TNRC18: variants seen among roughly 807,000 people sequenced by gnomAD.
The protein encoded by TNRC18 is trinucleotide repeat-containing gene 18 protein.
A neutral mutation model predicts 226.7 loss-of-function variants in TNRC18; 69 were observed. That is an observed-to-expected ratio of 0.30 (90% CI 0.25 to 0.37). TNRC18 has a LOEUF of 0.37. TNRC18 is among the 10% of genes least tolerant of loss of function. The probability of loss-of-function intolerance (pLI) is 1.00; values close to 1 mark genes in which losing one functional copy is unlikely to be tolerated. For missense variants in TNRC18, 4,754 were observed against 4,256.6 expected, an observed-to-expected ratio of 1.12 and a Z score of -3.25; for synonymous variants, 2,449 against 1,927.6, an observed-to-expected ratio of 1.27 and a Z score of -7.09.
intron 9 of TNRC18, 115 bp from the exon 10 acceptor site, chr7:5,374,599 C>T (rs1026110250): frequency 5.1e-5 from 58 of 1,129,964 alleles, no homozygotes; most frequent in Non-Finnish European, 6.5e-5. Flanking sequence ...TCATGCAGGG[C>T]CTGGGGTCCA....
rs1189968739 is a variant in TNRC18, at chr7:5,399,661, G to A, written c.188-5066C>T. ...GCAGAGGCTGCAGTGAGCCAAGATC[G>A]CGCCACTGCACTCCAGCCTGGGCAA... On this transcript the variant is annotated intron_variant, in intron 2 of 29. Coordinates refer to ENST00000430969, the MANE Select transcript of TNRC18 (RefSeq NM_001080495.3). Among the ~76,000 whole-genome samples, 26 of 151,780 alleles carry A rather than the reference G, an allele frequency of 1.7e-4. 1 individual carries two copies. Among genetic ancestry groups the A allele is most frequent in the Non-Finnish European group, 8.8e-5 (6 of 67,966 alleles).
chr7:5,325,633 C>T (rs973830632), intron 19 of TNRC18: 2 of 201,650 alleles, frequency 9.9e-6, no homozygotes, highest in African/African-American at 2.4e-5. Flanking sequence ...ACCGTGTTTG[C>T]GAGGATGGTC....
Position 5,309,486 on chromosome 7 carries a change from A to C in TNRC18, c.8389-118T>G. On this transcript the variant is annotated intron_variant, in intron 27 of 29. Coordinates refer to ENST00000430969, the MANE Select transcript of TNRC18 (RefSeq NM_001080495.3). The surrounding 1 kb of genome is among the most constrained non-coding windows in gnomAD (Gnocchi z 5.7). ...CGGCCTCTAAATCAACCCCTATCCAACTGTGGGGAGATGAGGAAGCTCCTT... is the reference window on the plus strand; with the variant it reads ...CGGCCTCTAAATCAACCCCTATCCACCTGTGGGGAGATGAGGAAGCTCCTT... The C allele has an allele frequency of 6.2e-6, 5 of 807,658 alleles. No individual in the cohort carries two copies. Among genetic ancestry groups the C allele is most frequent in the Non-Finnish European group, 9.7e-6 (5 of 516,396 alleles). The allele number at this position is 807,658 out of a possible 1,614,324, so 50.0% of individuals were successfully genotyped here. A position where few individuals can be genotyped will look rare whatever the true frequency, so the allele number is the denominator to read the frequency against.
rs1405143618 is a variant in TNRC18, at chr7:5,377,012, G to C, written c.2462-19C>G. ...CCCAAGCCTAGGAGGAGAAGCCCAG[G>C]CCTGAGTCAGTGCTGGGAGCCCCCA... is the stretch of plus-strand genomic sequence containing the variant. On this transcript the variant is annotated intron_variant, in intron 7 of 29. Transcript: ENST00000430969. This position sits in a 1 kb window ranked among gnomAD's most constrained non-coding sequence, Gnocchi z 5.8. The C allele has an allele frequency of 6.4e-7, 1 of 1,563,700 alleles. No individual in the cohort carries two copies. Among genetic ancestry groups the C allele is most frequent in the East Asian group, 2.4e-5 (1 of 42,150 alleles).
At chr7:5,332,003 A>G (rs530501348) in intron 19 of TNRC18, among the ~76,000 whole-genome samples, 34 of 152,348 alleles carry the variant, frequency 2.2e-4, no homozygotes, top group African/African-American at 4.3e-4. Context: ...AGGAATGTAT[A>G]GGTACCATAT....
In TNRC18 at chr7:5,357,142, C is replaced by G. The variant is rs1282836494; in HGVS notation, c.4968G>C (p.Ser1656=). Residue 1656 remains serine (S), a synonymous_variant, in exon 16 of 30, where the codon TCG becomes TCC. Transcript: ENST00000430969. ...ACCTGCCGCAGCCCCCGCTAGTTTT[C>G]GATTTCCCCCCAGCACTGTCCGAAA... ...FKFSDSAGGK[S]KTSGGCGRYL... 6.4e-7 allele frequency: 1 copy of G among 1,569,784 alleles called. No homozygotes were observed. Among genetic ancestry groups the G allele is most frequent in the African/African-American group, 1.4e-5 (1 of 74,068 alleles).
rs536036226 is a variant in TNRC18, at chr7:5,337,920, T to C, written c.5720-4871A>G. Among the ~76,000 whole-genome samples the C allele has an allele frequency of 1.1e-4, 16 of 152,054 alleles. No homozygotes were observed. In the East Asian group the frequency reaches 3.1e-3, roughly 29 times the overall value. On this transcript the variant is annotated intron_variant, in intron 18 of 29. Transcript: ENST00000430969. Reference sequence around the variant, plus strand: ...ATCGCTTGAACCCTGGAGACGGAGATTGCAGTGAGCCAAGATCACGCCACT... The same window carrying C: ...ATCGCTTGAACCCTGGAGACGGAGACTGCAGTGAGCCAAGATCACGCCACT...
intron 2 of TNRC18, among the ~76,000 whole-genome samples, chr7:5,404,135 G>C (rs908513931): frequency 1.3e-5 from 2 of 152,234 alleles, no homozygotes; most frequent in Non-Finnish European, 2.9e-5. Context: ...CACTTTGGGA[G>C]GCCAAGGCGG....
rs1779090334 is a variant in TNRC18 at position 5,377,658 on chromosome 7, T to C, written c.2256-82A>G. On this transcript the variant is annotated intron_variant, in intron 6 of 29. Coordinates refer to ENST00000430969, the MANE Select transcript of TNRC18 (RefSeq NM_001080495.3). The surrounding 1 kb of genome is among the most constrained non-coding windows in gnomAD (Gnocchi z 5.8). The stretch of plus-strand genomic sequence containing the variant: ...GAGAAGCGGGGTTGCCCCAAGGAAC[T>C]GTTTGCCACCAGGCCATGAGTCAGG... The C allele has an allele frequency of 7.1e-7, 1 of 1,411,992 alleles. No individual in the cohort carries two copies. The highest frequency in any genetic ancestry group is 9.6e-7 in the Non-Finnish European group (1 of 1,036,636). 87.5% of individuals were successfully genotyped at this position (1,411,992 alleles called of 1,614,324 possible). A position where few individuals can be genotyped will look rare whatever the true frequency, so the allele number is the denominator to read the frequency against.
intron 2 of TNRC18, among the ~76,000 whole-genome samples, chr7:5,419,183 C>T (rs1275319577): frequency 2.0e-5 from 3 of 152,270 alleles, no homozygotes; most frequent in Non-Finnish European, 2.9e-5. Flanking sequence ...AGCAAATGGG[C>T]ATTAGGCCGT....
intron 16 of TNRC18, among the ~76,000 whole-genome samples, chr7:5,353,711 C>G (rs1231344063): frequency 6.6e-6 from 1 of 152,176 alleles, no homozygotes; most frequent in Non-Finnish European, 1.5e-5. Context: ...GAACCCTGCA[C>G]TCTCTCTGAC....
chr7:5,395,671 G>A (rs934065739), intron 2 of TNRC18, among the ~76,000 whole-genome samples: 2 of 152,234 alleles, frequency 1.3e-5, no homozygotes, highest in African/African-American at 4.8e-5. Flanking sequence ...GAATGATAGG[G>A]AAGGAAGCAT....
chr7:5,375,686 C>T (rs1044888005), intron 9 of TNRC18, among the ~76,000 whole-genome samples: 1 of 152,184 alleles, frequency 6.6e-6, no homozygotes, highest in African/African-American at 2.4e-5. Context: ...AGAGGCCAGG[C>T]TGGGCTCAGG....
chr7:5,406,279 A>G lies in TNRC18; in HGVS notation c.188-11684T>C, dbSNP rs550289481. Among the ~76,000 whole-genome samples, 5 of 152,090 alleles carry G rather than the reference A, an allele frequency of 3.3e-5. 1 individual carries two copies. Among genetic ancestry groups the G allele is most frequent in the African/African-American group, 9.6e-5 (4 of 41,492 alleles). On this transcript the variant is annotated intron_variant, in intron 2 of 29. Coordinates refer to ENST00000430969, the MANE Select transcript of TNRC18 (RefSeq NM_001080495.3). The stretch of plus-strand genomic sequence containing the variant: ...GGAGTTGGAGACCAGCCTGACCAAC[A>G]TGGTGAAATCCCATCTCTACAAAAA...
rs1249481083 is a variant in TNRC18 at position 5,377,040 on chromosome 7, C to T, written c.2462-47G>A. 3.7e-5 allele frequency: 57 copies of T among 1,541,776 alleles called. No homozygotes were observed. The highest frequency in any genetic ancestry group is 5.0e-5 in the Non-Finnish European group (57 of 1,145,878). Reference sequence around the variant, plus strand: ...TGAGTCAGTGCTGGGAGCCCCCAAGCGGTTTGTCCTCGGGCAGCCCCAGCC... The same window carrying T: ...TGAGTCAGTGCTGGGAGCCCCCAAGTGGTTTGTCCTCGGGCAGCCCCAGCC... On this transcript the variant is annotated intron_variant, in intron 7 of 29. Coordinates refer to ENST00000430969, the MANE Select transcript of TNRC18 (RefSeq NM_001080495.3). The surrounding 1 kb of genome is among the most constrained non-coding windows in gnomAD (Gnocchi z 5.8).
chr7:5,402,052 C>T (rs572595112), intron 2 of TNRC18, among the ~76,000 whole-genome samples: 3 of 151,780 alleles, frequency 2.0e-5, no homozygotes, highest in Non-Finnish European at 4.4e-5. Flanking sequence ...GGTGGCGGGC[C>T]CCTGTAGTCC....
In TNRC18 at chr7:5,371,112, T is replaced by TC; in HGVS notation, c.3481dup (p.Glu1161GlyfsTer58). ...GGGGCCCTCGTCCATGTCCTCCACC[T>TC]CTGCCTTCACCTCCCGCTCAGCCAG... On this transcript the variant is annotated frameshift_variant, in exon 11 of 30. Coordinates refer to ENST00000430969, the MANE Select transcript of TNRC18 (RefSeq NM_001080495.3). LOFTEE classifies it high-confidence loss of function. 1 of 1,612,526 alleles carries TC rather than the reference T, an allele frequency of 6.2e-7. No homozygotes were observed. Among genetic ancestry groups the TC allele is most frequent in the East Asian group, 2.2e-5 (1 of 44,864 alleles).
At chr7:5,408,193 G>A (rs901441727) in intron 2 of TNRC18, among the ~76,000 whole-genome samples, 10 of 152,036 alleles carry the variant, frequency 6.6e-5, no homozygotes, top group African/African-American at 2.2e-4. Context: ...CCACTACTCA[G>A]GAGGCTGAGG....
intron 2 of TNRC18, among the ~76,000 whole-genome samples, chr7:5,401,905 G>A (rs1231732795): frequency 2.0e-5 from 3 of 152,174 alleles, no homozygotes; most frequent in Non-Finnish European, 2.9e-5. Context: ...GCCGGGCGTG[G>A]TGGCTCACAC....
Sources: gnomAD v4.1 joint callset for allele counts (sites outside exome capture counted in the v4.1 genomes callset) on GRCh38, gnomAD v4.1.1 for gene constraint, Gnocchi (gnomAD v3.1) non-coding constraint, MANE v1.5 for transcripts, NCBI Gene and HGNC (gene_info 2026-07-23, HGNC 2026-07-21) for gene names.